Variants in LCORL observed in about 807,000 individuals in gnomAD.
LCORL encodes the protein ligand dependent nuclear receptor corepressor like.
In LCORL, 41 loss-of-function variants were observed where a neutral mutation model predicts 141.8. The ratio of observed to expected loss-of-function variants is 0.29; its 90% CI spans 0.23 to 0.38. LCORL has a LOEUF of 0.38. LCORL is among the 10% of genes least tolerant of loss of function. The pLI, the probability that LCORL is intolerant of heterozygous loss-of-function variation, is 1.00. For missense variants in LCORL, 1,759 were observed against 2,035.0 expected (o/e 0.86, Z 2.61); for synonymous variants, 618 against 694.1 (o/e 0.89, Z 1.72).
At chr4:17,972,670 T>G (rs1716209478) in intron 2 of LCORL, 150 bp downstream of exon 2, 2 of 324,708 alleles carry the variant, frequency 6.2e-6, no homozygotes, top group East Asian at 9.7e-5. Flanking sequence ...GTAATAAAAA[T>G]ATCTGGATTA....
intron 5 of LCORL, among the ~76,000 whole-genome samples, chr4:17,896,685 C>T (rs894887337): frequency 1.3e-5 from 2 of 152,122 alleles, no homozygotes; most frequent in East Asian, 1.9e-4. Context: ...TCAGGGTAGA[C>T]GGGGCATCCA....
At chr4:17,875,156 C>T (rs1163323932) in exon 7 of LCORL, 2 of 1,232,484 alleles carry the variant, frequency 1.6e-6, no homozygotes, top group East Asian at 6.3e-5. Context: ...CTAAAGGAGG[C>T]AAGCAGCTGC....
At chr4:17,894,689 G>A (rs1313173047) in intron 5 of LCORL, among the ~76,000 whole-genome samples, 1 of 152,058 alleles carries the variant, frequency 6.6e-6, no homozygotes, top group African/African-American at 2.4e-5. Flanking sequence ...GCTTCTGGGC[G>A]ACTTTACTAT....
intron 1 of LCORL, among the ~76,000 whole-genome samples, chr4:17,995,318 T>G (rs1720739382): frequency 6.6e-6 from 1 of 152,056 alleles, no homozygotes; most frequent in Non-Finnish European, 1.5e-5. Flanking sequence ...GGTGTTGCTA[T>G]TACAAGGTCC....
intron 6 of LCORL, among the ~76,000 whole-genome samples, chr4:17,879,757 T>C (rs1442745222): frequency 6.6e-6 from 1 of 151,016 alleles, no homozygotes; most frequent in Non-Finnish European, 1.5e-5. Flanking sequence ...ACCCAGAATG[T>C]TGTGAGAGAT....
At chr4:17,882,575 G>A in intron 6 of LCORL, 1 of 984,630 alleles carries the variant, frequency 1.0e-6, no homozygotes, top group Non-Finnish European at 1.2e-6. Context: ...CAGCTTCAGT[G>A]TTAAATATTT....
chr4:17,843,223 G>GAAAC, exon 8 of LCORL: 1 of 1,485,102 alleles, frequency 6.7e-7, no homozygotes, highest in Middle Eastern at 2.1e-4. Flanking sequence ...ATGTGAGTCA[G>GAAAC]AAACAAAAAA....
chr4:17,877,990 C>T, exon 7 of LCORL: 1 of 1,230,520 alleles, frequency 8.1e-7, no homozygotes, highest in South Asian at 4.1e-5. Context: ...CAGAACAGAC[C>T]ACATAAATCA....
At chr4:17,888,229 T>C (rs1728565355) in intron 5 of LCORL, among the ~76,000 whole-genome samples, 1 of 152,082 alleles carries the variant, frequency 6.6e-6, no homozygotes. Flanking sequence ...AAATTCAGTG[T>C]GGCTAGAGGT....
chr4:17,991,758 A>G (rs1310783368), intron 1 of LCORL, among the ~76,000 whole-genome samples: 1 of 152,232 alleles, frequency 6.6e-6, no homozygotes, highest in African/African-American at 2.4e-5. Context: ...CTTAGGGCAC[A>G]AGACCAGCCC....
At chr4:17,845,510 C>A in exon 8 of LCORL, 4 of 400,052 alleles carry the variant, frequency 1.0e-5, no homozygotes, top group South Asian at 1.3e-4. Context: ...AAAAGAGAAA[C>A]ATCAAAATCC....
rs184776803 is a variant in LCORL at position 17,988,179 on chromosome 4, T to A, written c.155-15294A>T. On this transcript the variant is annotated intron_variant, in intron 1 of 7. Coordinates refer to ENST00000635767, the Ensembl canonical transcript of LCORL. ...AAGATGTGACTTGCTCCTCCTTGCC[T>A]TCCGCCGTGATTGTGAGGCCTCCCC... Among the ~76,000 whole-genome samples the A allele has an allele frequency of 2.6e-4, 40 of 152,346 alleles. No homozygotes were observed. In the East Asian group the frequency reaches 7.7e-3, roughly 29 times the overall value.
intron 1 of LCORL, among the ~76,000 whole-genome samples, chr4:17,997,520 A>G (rs759965370): frequency 3.3e-5 from 5 of 152,194 alleles, no homozygotes; most frequent in Non-Finnish European, 5.9e-5. Context: ...CAGTTTTTAA[A>G]TAATAAGAAA....
chr4:17,932,493 C>T (rs1307832331), intron 4 of LCORL, among the ~76,000 whole-genome samples: 1 of 152,062 alleles, frequency 6.6e-6, no homozygotes, highest in Non-Finnish European at 1.5e-5. Context: ...CTAAATAATA[C>T]ATAAGTGACA....
chr4:17,988,241 CT>C (rs1383655171), intron 1 of LCORL, among the ~76,000 whole-genome samples: 1 of 152,126 alleles, frequency 6.6e-6, no homozygotes, highest in Non-Finnish European at 1.5e-5. Flanking sequence ...AGCCTCTTTT[CT>C]TTTGTAAATT....
intron 1 of LCORL, among the ~76,000 whole-genome samples, chr4:17,993,975 G>A (rs1261082862): frequency 6.6e-6 from 1 of 152,132 alleles, no homozygotes; most frequent in African/African-American, 2.4e-5. Flanking sequence ...GAGAAATAGA[G>A]TGATTAAATA....
chr4:17,980,385 C>T (rs143070617), intron 1 of LCORL, among the ~76,000 whole-genome samples: 300 of 152,286 alleles, frequency 2.0e-3, no homozygotes, highest in African/African-American at 6.7e-3. Context: ...GACTGACTTG[C>T]TTTTATTCTA....
chr4:17,899,661 T>C (rs961593444), intron 5 of LCORL, among the ~76,000 whole-genome samples: 3 of 152,190 alleles, frequency 2.0e-5, no homozygotes, highest in Non-Finnish European at 4.4e-5. Context: ...TTTTGGCATA[T>C]TGATAACTTC....
At chr4:17,949,939 T>A (rs1444642628) in intron 4 of LCORL, among the ~76,000 whole-genome samples, 3 of 152,168 alleles carry the variant, frequency 2.0e-5, no homozygotes, top group Non-Finnish European at 4.4e-5. Flanking sequence ...AACTACAGTA[T>A]TGACAAATGT....
Sources: gnomAD v4.1 joint callset for allele counts (sites outside exome capture counted in the v4.1 genomes callset) on GRCh38, gnomAD v4.1.1 for gene constraint, MANE v1.5 for transcripts, NCBI Gene and HGNC (gene_info 2026-07-23, HGNC 2026-07-21) for gene names.